The following P2RY14 variants were observed in gnomAD, a reference collection of about 807,000 sequenced individuals.
The protein encoded by P2RY14 is P2Y purinoceptor 14.
Under a neutral mutation model 0.9 loss-of-function variants are expected in P2RY14, and 2 were observed. That is an observed-to-expected ratio of 2.16 (90% CI 0.88 to 6.79). The LOEUF (loss-of-function observed/expected upper bound fraction) is 6.79. Ranked by LOEUF, P2RY14 falls within the 30% of genes most tolerant of loss-of-function variation. The probability of loss-of-function intolerance (pLI) is 0.05; values close to 1 mark genes in which losing one functional copy is unlikely to be tolerated. For missense variants in P2RY14, 378 were observed against 400.1 expected (o/e 0.94, Z 0.47); for synonymous variants, 158 against 147.2 (o/e 1.07, Z -0.53).
intron 1 of P2RY14, among the ~76,000 whole-genome samples, chr3:151,241,496 C>G (rs1229331802): frequency 3.9e-5 from 6 of 152,130 alleles, no homozygotes; most frequent in Non-Finnish European, 8.8e-5. Context: ...GAAGCATCTT[C>G]CCCTATAATG....
intron 1 of P2RY14, among the ~76,000 whole-genome samples, chr3:151,263,098 G>A (rs1165067798): frequency 6.6e-6 from 1 of 152,138 alleles, no homozygotes; most frequent in Non-Finnish European, 1.5e-5. Context: ...GGGTTGACGA[G>A]TGAGGATTAG....
intron 1 of P2RY14, among the ~76,000 whole-genome samples, chr3:151,273,458 G>T (rs906174400): frequency 6.8e-6 from 1 of 146,378 alleles, no homozygotes; most frequent in Non-Finnish European, 1.5e-5. Context: ...GGCCAGGCTG[G>T]TCTGAAACTT....
At chr3:151,217,744 A>G (rs757240875) in intron 2 of P2RY14, among the ~76,000 whole-genome samples, 4 of 152,204 alleles carry the variant, frequency 2.6e-5, no homozygotes, top group Non-Finnish European at 5.9e-5. Context: ...AGAAATTCCA[A>G]GATACTCTTG....
chr3:151,239,886 T>C (rs1559921397), intron 1 of P2RY14, among the ~76,000 whole-genome samples: 1 of 152,236 alleles, frequency 6.6e-6, no homozygotes. Context: ...AGTAATTAAA[T>C]TTAAAAATAT....
chr3:151,268,399 C>A (rs1295535289), intron 1 of P2RY14, among the ~76,000 whole-genome samples: 1 of 152,162 alleles, frequency 6.6e-6, no homozygotes, highest in East Asian at 1.9e-4. Flanking sequence ...GGTGAGCATA[C>A]TGCTCTCCAT....
intron 1 of P2RY14, among the ~76,000 whole-genome samples, chr3:151,276,996 A>G (rs542116713): frequency 6.6e-6 from 1 of 152,236 alleles, no homozygotes; most frequent in South Asian, 2.1e-4. Context: ...TCCCAGACTC[A>G]AGCGATTCTC....
intron 1 of P2RY14, among the ~76,000 whole-genome samples, chr3:151,221,339 G>A (rs971029367): frequency 2.6e-5 from 4 of 152,194 alleles, no homozygotes; most frequent in Non-Finnish European, 4.4e-5. Context: ...AGTTCAAGCC[G>A]GCTGCAGAAG....
At chr3:151,230,148 G>A (rs1331245582) in intron 1 of P2RY14, among the ~76,000 whole-genome samples, 3 of 151,950 alleles carry the variant, frequency 2.0e-5, no homozygotes, top group Non-Finnish European at 4.4e-5. Flanking sequence ...TTTTGTTTTT[G>A]CATTTTTAGT....
chr3:151,263,404 C>T (rs554884790), intron 1 of P2RY14, among the ~76,000 whole-genome samples: 103 of 152,308 alleles, frequency 6.8e-4, no homozygotes, highest in Admixed American at 1.2e-3. Flanking sequence ...GTGGTGTTCA[C>T]AATTTGCTAT....
chr3:151,230,626 A>G (rs1351186574), intron 1 of P2RY14, among the ~76,000 whole-genome samples: 6 of 141,366 alleles, frequency 4.2e-5, no homozygotes, highest in Non-Finnish European at 7.7e-5. Context: ...TTTGAACTCT[A>G]TGTGTTATTG....
chr3:151,269,806 A>C, intron 1 of P2RY14: 1 of 423,038 alleles, frequency 2.4e-6, no homozygotes, highest in South Asian at 1.8e-5. Context: ...CAAATCTGGA[A>C]AGGATATAAT....
In P2RY14 at chr3:151,228,183, A is replaced by G. The variant is rs1329640945; in HGVS notation, c.-132-8541T>C. On this transcript the variant is annotated intron_variant, in intron 1 of 2. Coordinates refer to ENST00000309170, the MANE Select transcript of P2RY14 (RefSeq NM_014879.4). ...GTGGACAGAGGACAGACAGTGCAGC[A>G]TAATGATTACATGCATGCTTGTGGG... Among the ~76,000 whole-genome samples, 4 of 152,220 alleles carry G rather than the reference A, an allele frequency of 2.6e-5. No individual in the cohort carries two copies. In the East Asian group the frequency reaches 7.7e-4, roughly 29 times the overall value.
Position 151,225,009 on chromosome 3 carries a change from A to C in P2RY14, c.-132-5367T>G, listed in dbSNP as rs1020357501. Among the ~76,000 whole-genome samples the C allele has an allele frequency of 3.3e-5, 5 of 152,168 alleles. No individual in the cohort carries two copies. In the East Asian group the frequency reaches 9.6e-4, roughly 29 times the overall value. On this transcript the variant is annotated intron_variant, in intron 1 of 2. Transcript: ENST00000309170. ...ATCTTTAAAATATTTTATATTATTT[A>C]CTAGTGTTATTTAATTCTCTCTGTC...
intron 1 of P2RY14, among the ~76,000 whole-genome samples, chr3:151,258,351 T>G (rs1213426776): frequency 6.6e-6 from 1 of 152,226 alleles, no homozygotes; most frequent in Non-Finnish European, 1.5e-5. Context: ...TAATTTTTAG[T>G]ACTTTCTAAT....
rs1728911451 is a variant in P2RY14, at chr3:151,219,542, GA to G, written c.-33del. 1 of 152,180 alleles carries G rather than the reference GA, an allele frequency of 6.6e-6. No individual in the cohort carries two copies. The highest frequency in any genetic ancestry group is 2.4e-5 in the African/African-American group (1 of 41,440). The allele number at this position is 152,180 out of a possible 1,614,324, so 9.4% of individuals were successfully genotyped here. A position where few individuals can be genotyped will look rare whatever the true frequency, so the allele number is the denominator to read the frequency against. ...AGGGATTTAAAAAATTACCTTTTAA[GA>G]TTTTTTTTGCATAATATGAGGTCTC... On this transcript the variant is annotated 5_prime_UTR_variant, in exon 2 of 3. The change abolishes the stop of an existing upstream ORF in the 5' untranslated region. Coordinates refer to ENST00000309170, the MANE Select transcript of P2RY14 (RefSeq NM_014879.4).
chr3:151,271,857 G>A (rs1440901277), intron 1 of P2RY14, among the ~76,000 whole-genome samples: 1 of 152,166 alleles, frequency 6.6e-6, no homozygotes, highest in East Asian at 1.9e-4. Context: ...GAATGTAGAT[G>A]GCTGTGCCTA....
chr3:151,259,043 T>A (rs1209427363), intron 1 of P2RY14, among the ~76,000 whole-genome samples: 1 of 152,150 alleles, frequency 6.6e-6, no homozygotes, highest in Non-Finnish European at 1.5e-5. Context: ...TAGCAATAAA[T>A]CAAATTTAAT....
chr3:151,236,180 T>C (rs900772455), intron 1 of P2RY14, among the ~76,000 whole-genome samples: 5 of 152,198 alleles, frequency 3.3e-5, no homozygotes, highest in African/African-American at 9.6e-5. Flanking sequence ...GCTCAATGAA[T>C]ATTTATGGAA....
chr3:151,251,036 G>C (rs1736751297), intron 1 of P2RY14, among the ~76,000 whole-genome samples: 1 of 152,146 alleles, frequency 6.6e-6, no homozygotes, highest in Non-Finnish European at 1.5e-5. Context: ...GTGGTACTTT[G>C]GCATACTGCC....
Sources: allele counts gnomAD v4.1 joint callset (sites outside exome capture counted in the v4.1 genomes callset), GRCh38; gene constraint gnomAD v4.1.1; transcripts MANE v1.5; gene names NCBI Gene and HGNC (gene_info 2026-07-23, HGNC 2026-07-21).